The following PHACTR1 variants were observed in gnomAD, a reference collection of about 807,000 sequenced individuals.
PHACTR1 encodes RPEL repeat containing 1.
Under a neutral mutation model 69.2 loss-of-function variants are expected in PHACTR1, and 16 were observed. The observed-to-expected ratio is 0.23, with a 90% CI of 0.16 to 0.35. PHACTR1 has a LOEUF of 0.35. Ranked by LOEUF, PHACTR1 falls within the 10% of genes least tolerant of loss-of-function variation. The probability of loss-of-function intolerance (pLI) is 1.00; values close to 1 mark genes in which losing one functional copy is unlikely to be tolerated. For missense variants in PHACTR1, 510 were observed against 734.7 expected, an observed-to-expected ratio of 0.69 and a Z score of 3.54; for synonymous variants, 312 against 284.5, an observed-to-expected ratio of 1.10 and a Z score of -0.97.
chr6:13,040,709 A>G (rs138253963), intron 4 of PHACTR1, among the ~76,000 whole-genome samples: 14 of 152,348 alleles, frequency 9.2e-5, no homozygotes, highest in African/African-American at 3.4e-4. Context: ...GTTATAAGCA[A>G]TCAACACTCT....
At chr6:13,264,204 A>G (rs541788708) in intron 10 of PHACTR1, among the ~76,000 whole-genome samples, 2 of 152,112 alleles carry the variant, frequency 1.3e-5, no homozygotes, top group South Asian at 4.2e-4. Context: ...CATGCAACCC[A>G]CTCTGTCCTG....
chr6:12,794,227 A>G (rs1772691910), intron 4 of PHACTR1, among the ~76,000 whole-genome samples: 1 of 152,242 alleles, frequency 6.6e-6, no homozygotes, highest in Non-Finnish European at 1.5e-5. Context: ...TCATAGATTA[A>G]TTAATCTAGT....
intron 4 of PHACTR1, among the ~76,000 whole-genome samples, chr6:12,889,404 TC>T (rs998746869): frequency 5.9e-5 from 9 of 152,212 alleles, no homozygotes; most frequent in African/African-American, 2.2e-4. Flanking sequence ...ATAGAATGAT[TC>T]AACATGTCCT....
chr6:13,124,128 A>G (rs1753562), intron 5 of PHACTR1, among the ~76,000 whole-genome samples: 146,590 of 152,034 alleles, frequency 0.96, 70,820 homozygotes, highest in Non-Finnish European at 0.99. Context: ...GCAGAGAGCG[A>G]GGTTATAAGC....
intron 4 of PHACTR1, among the ~76,000 whole-genome samples, chr6:12,853,489 A>G (rs1780030126): frequency 6.6e-6 from 1 of 152,220 alleles, no homozygotes; most frequent in African/African-American, 2.4e-5. Context: ...ATGAAGGACA[A>G]TTTATTCTGA....
chr6:12,997,208 C>G (rs1369688949), intron 4 of PHACTR1, among the ~76,000 whole-genome samples: 1 of 148,088 alleles, frequency 6.8e-6, no homozygotes, highest in East Asian at 2.0e-4. Context: ...ACTTATAATA[C>G]ATGTATATAT....
intron 5 of PHACTR1, among the ~76,000 whole-genome samples, chr6:13,158,144 A>G (rs899284444): frequency 2.0e-5 from 3 of 152,156 alleles, no homozygotes; most frequent in Admixed American, 1.3e-4. Context: ...GGCCTCCCAA[A>G]GTGCTGGGAT....
At chr6:12,901,527 C>T (rs1785190789) in intron 4 of PHACTR1, among the ~76,000 whole-genome samples, 1 of 152,180 alleles carries the variant, frequency 6.6e-6, no homozygotes, top group Non-Finnish European at 1.5e-5. Context: ...TGGAGTCCTG[C>T]TCTGTCGCCC....
At chr6:12,947,341 CT>C (rs35334406) in intron 4 of PHACTR1, among the ~76,000 whole-genome samples, 70,152 of 142,246 alleles carry the variant, frequency 0.49, 17,329 homozygotes, top group Middle Eastern at 0.62. Flanking sequence ...AACTATTCTG[CT>C]TTTTTTTTTT....
At chr6:12,739,236 T>C (rs1300972455) in intron 3 of PHACTR1, among the ~76,000 whole-genome samples, 1 of 152,192 alleles carries the variant, frequency 6.6e-6, no homozygotes, top group Non-Finnish European at 1.5e-5. Flanking sequence ...TCTGTTGTTA[T>C]TTTTAATGCG....
intron 4 of PHACTR1, among the ~76,000 whole-genome samples, chr6:12,968,768 T>G (rs191308528): frequency 3.9e-5 from 6 of 152,352 alleles, no homozygotes; most frequent in Admixed American, 1.3e-4. Context: ...TGGACTCCAC[T>G]GATCCCCAGG....
intron 4 of PHACTR1, among the ~76,000 whole-genome samples, chr6:12,926,573 C>T (rs1275114176): frequency 6.6e-6 from 1 of 152,236 alleles, no homozygotes; most frequent in African/African-American, 2.4e-5. Context: ...ACAACATCAA[C>T]ATTCACCAAA....
intron 10 of PHACTR1, among the ~76,000 whole-genome samples, chr6:13,244,544 T>C (rs1773323143): frequency 6.6e-6 from 1 of 152,202 alleles, no homozygotes; most frequent in Non-Finnish European, 1.5e-5. Context: ...CAGTTCAAGT[T>C]CAGAGACCTA....
intron 5 of PHACTR1, among the ~76,000 whole-genome samples, chr6:13,085,169 A>C (rs976259210): frequency 6.6e-6 from 1 of 151,968 alleles, no homozygotes; most frequent in Non-Finnish European, 1.5e-5. Flanking sequence ...CATTTAGTGG[A>C]GATCTAAACC....
At chr6:12,937,312 C>T (rs902538100) in intron 4 of PHACTR1, among the ~76,000 whole-genome samples, 2 of 152,116 alleles carry the variant, frequency 1.3e-5, no homozygotes, top group African/African-American at 2.4e-5. Flanking sequence ...GAAGATAATG[C>T]AGTCATTCAT....
At chr6:13,172,759 A>G (rs1267009529) in intron 6 of PHACTR1, among the ~76,000 whole-genome samples, 1 of 152,234 alleles carries the variant, frequency 6.6e-6, no homozygotes, top group African/African-American at 2.4e-5. Context: ...AAAAAGCAAG[A>G]TGATTCTTTG....
At chr6:12,957,723 A>T in intron 4 of PHACTR1, 2 of 985,564 alleles carry the variant, frequency 2.0e-6, no homozygotes, top group Non-Finnish European at 2.4e-6. Flanking sequence ...TGGACCCTTC[A>T]TGCCAGATGG....
At chr6:13,205,112 A>G (rs1765715736) in intron 7 of PHACTR1, among the ~76,000 whole-genome samples, 1 of 152,196 alleles carries the variant, frequency 6.6e-6, no homozygotes, top group Non-Finnish European at 1.5e-5. Context: ...GCTTCTGGTG[A>G]GGGCCTCTGG....
chr6:12,827,793 G>T (rs1164979075), intron 4 of PHACTR1, among the ~76,000 whole-genome samples: 1 of 152,084 alleles, frequency 6.6e-6, no homozygotes, highest in African/African-American at 2.4e-5. Flanking sequence ...GAAAGCAGAA[G>T]TAAATTTTAA....
Sources: allele counts gnomAD v4.1 joint callset (sites outside exome capture counted in the v4.1 genomes callset), GRCh38; gene constraint gnomAD v4.1.1; transcripts MANE v1.5; gene names NCBI Gene and HGNC (gene_info 2026-07-23, HGNC 2026-07-21).